ROBO2: variants seen among roughly 807,000 people sequenced by gnomAD.
ROBO2 encodes roundabout homolog 2.
In ROBO2, 53 loss-of-function variants were observed where a neutral mutation model predicts 160.8. The observed-to-expected ratio is 0.33, with a 90% CI of 0.26 to 0.41. The LOEUF is 0.41. ROBO2 is among the 10% of genes least tolerant of loss of function. The pLI, the probability that ROBO2 is intolerant of heterozygous loss-of-function variation, is 1.00. For synonymous variants in ROBO2, 664 were observed against 611.7 expected, an observed-to-expected ratio of 1.09 and a Z score of -1.26; for missense variants, 1,577 against 1,722.4, an observed-to-expected ratio of 0.92 and a Z score of 1.49.
At chr3:77,365,802 A>T (rs186735616) in intron 2 of ROBO2, among the ~76,000 whole-genome samples, 2 of 152,018 alleles carry the variant, frequency 1.3e-5, no homozygotes, top group African/African-American at 4.8e-5. Flanking sequence ...GACGTGATTT[A>T]TTCTAACCAA....
At chr3:77,152,363 A>G (rs1221032798) in intron 2 of ROBO2, among the ~76,000 whole-genome samples, 1 of 152,220 alleles carries the variant, frequency 6.6e-6, no homozygotes, top group Non-Finnish European at 1.5e-5. Flanking sequence ...GCAATCAGTA[A>G]AACATATTAA....
In ROBO2 at chr3:76,089,058, A is replaced by G. The variant is rs538904094; in HGVS notation, c.109+151456A>G. 3.5e-4 allele frequency among the ~76,000 whole-genome samples: 53 copies of G among 152,176 alleles called. 1 individual carries two copies. The South Asian group carries it at 0.01, about 30-fold the overall frequency. ...AAAAGGATAAAGAATATTATGAACA[A>G]ATCTATGCTTCCAAATTGGGTAATC... On this transcript the variant is annotated intron_variant, in intron 2 of 26. Transcript: ENST00000487694.
At chr3:76,199,482 A>T (rs1399562115) in intron 2 of ROBO2, among the ~76,000 whole-genome samples, 1 of 152,170 alleles carries the variant, frequency 6.6e-6, no homozygotes, top group Non-Finnish European at 1.5e-5. Context: ...TGAGACCCAT[A>T]TAGAACCTCT....
chr3:76,271,471 A>G (rs1202689262), intron 2 of ROBO2, among the ~76,000 whole-genome samples: 1 of 149,860 alleles, frequency 6.7e-6, no homozygotes. Context: ...AGTGACCTAG[A>G]CTCCATTACA....
At chr3:76,381,138 G>T (rs546308712) in intron 2 of ROBO2, among the ~76,000 whole-genome samples, 40 of 152,132 alleles carry the variant, frequency 2.6e-4, no homozygotes, top group Middle Eastern at 3.4e-3. Context: ...TGTTGGAAGG[G>T]CTTGAACCAA....
At chr3:77,285,081 A>T (rs1021496596) in intron 2 of ROBO2, among the ~76,000 whole-genome samples, 1 of 152,158 alleles carries the variant, frequency 6.6e-6, no homozygotes, top group African/African-American at 2.4e-5. Flanking sequence ...AAAGTTCTAC[A>T]CCTAGAAAAT....
At chr3:77,535,014 A>C (rs1344806151) in intron 6 of ROBO2, among the ~76,000 whole-genome samples, 1 of 152,184 alleles carries the variant, frequency 6.6e-6, no homozygotes, top group Non-Finnish European at 1.5e-5. Context: ...CAGGCCAATC[A>C]CATATTCCCC....
intron 2 of ROBO2, among the ~76,000 whole-genome samples, chr3:76,764,572 C>T (rs1257955537): frequency 2.0e-5 from 3 of 151,706 alleles, no homozygotes; most frequent in African/African-American, 7.2e-5. Flanking sequence ...TTTCCAGGCT[C>T]ATCTTTTACT....
At chr3:76,889,482 A>G (rs1172302194) in intron 2 of ROBO2, among the ~76,000 whole-genome samples, 3 of 152,214 alleles carry the variant, frequency 2.0e-5, no homozygotes, top group Non-Finnish European at 2.9e-5. Flanking sequence ...ACATGCTGAT[A>G]AACATGGTAA....
intron 21 of ROBO2, among the ~76,000 whole-genome samples, chr3:77,616,507 T>C (rs2153702259): frequency 6.6e-6 from 1 of 152,050 alleles, no homozygotes; most frequent in East Asian, 1.9e-4. Context: ...ACCGGAAGAG[T>C]AGGAAAGCTA....
chr3:76,630,184 C>T (rs528477843), intron 2 of ROBO2, among the ~76,000 whole-genome samples: 14 of 152,252 alleles, frequency 9.2e-5, no homozygotes, highest in South Asian at 2.1e-4. Flanking sequence ...CTCTCTATGT[C>T]GGCTGGGTTT....
intron 2 of ROBO2, among the ~76,000 whole-genome samples, chr3:75,997,417 GAAATAATTT>G (rs1461938386): frequency 1.3e-5 from 2 of 151,780 alleles, no homozygotes; most frequent in Non-Finnish European, 2.9e-5. Flanking sequence ...AGAACTTTTG[GAAATAATTT>G]CTTTGGTGTG....
intron 2 of ROBO2, among the ~76,000 whole-genome samples, chr3:76,141,379 A>G (rs1228065314): frequency 1.3e-5 from 2 of 150,492 alleles, no homozygotes; most frequent in African/African-American, 4.9e-5. Context: ...ACTTGACTCA[A>G]ACCTCAGCAT....
At position 76,912,838 on chromosome 3, in the gene ROBO2, C is replaced by A. The variant is rs2076073306; in HGVS notation, c.110-185176C>A. On this transcript the variant is annotated intron_variant, in intron 2 of 26. Transcript: ENST00000487694. ...TTTTGTCTGAATTTGGAGAAGGGAA[C>A]TATTAATGACGAATTACTACGTTCA... Among the ~76,000 whole-genome samples the A allele has an allele frequency of 4.1e-5, 6 of 146,786 alleles. No individual in the cohort carries two copies. The South Asian group carries it at 1.3e-3, about 31-fold the overall frequency.
intron 2 of ROBO2, among the ~76,000 whole-genome samples, chr3:75,943,808 C>T (rs1478594167): frequency 6.6e-6 from 1 of 152,008 alleles, no homozygotes; most frequent in Non-Finnish European, 1.5e-5. Context: ...CTCAATGGTT[C>T]TCCTGCCTCA....
At chr3:76,333,619 G>A (rs1004870516) in intron 2 of ROBO2, among the ~76,000 whole-genome samples, 1 of 152,096 alleles carries the variant, frequency 6.6e-6, no homozygotes, top group African/African-American at 2.4e-5. Context: ...TGGCACTTTT[G>A]TTCTTCAGGT....
intron 2 of ROBO2, among the ~76,000 whole-genome samples, chr3:76,938,220 G>A (rs1459448967): frequency 2.0e-5 from 3 of 152,070 alleles, no homozygotes; most frequent in African/African-American, 7.2e-5. Context: ...GCTGAGTGAG[G>A]TGGTGTCACC....
intron 2 of ROBO2, among the ~76,000 whole-genome samples, chr3:77,148,545 T>G (rs1303808615): frequency 1.3e-5 from 2 of 152,232 alleles, no homozygotes; most frequent in Non-Finnish European, 2.9e-5. Flanking sequence ...TATTCAGTTC[T>G]CATGTTCCCA....
At chr3:76,942,827 T>C (rs1446022039) in intron 2 of ROBO2, among the ~76,000 whole-genome samples, 2 of 152,126 alleles carry the variant, frequency 1.3e-5, no homozygotes, top group Admixed American at 6.5e-5. Flanking sequence ...CTTTCAACTC[T>C]CACTTTCTAT....
Sources: allele counts gnomAD v4.1 joint callset (sites outside exome capture counted in the v4.1 genomes callset), GRCh38; gene constraint gnomAD v4.1.1; transcripts MANE v1.5; gene names NCBI Gene and HGNC (gene_info 2026-07-23, HGNC 2026-07-21).